RBM20: variants seen among roughly 807,000 people sequenced by gnomAD.
The protein encoded by RBM20 is RNA binding motif protein 20.
Under a neutral mutation model 110.1 loss-of-function variants are expected in RBM20, and 51 were observed. The observed-to-expected ratio is 0.46, with a 90% confidence interval of 0.37 to 0.59. The LOEUF (loss-of-function observed/expected upper bound fraction) is 0.59, where lower values mean the gene tolerates loss of function less well. Ranked by LOEUF, RBM20 falls within the 20% of genes least tolerant of loss-of-function variation. RBM20 has a pLI of 0.00. For missense variants in RBM20, 1,512 were observed against 1,574.9 expected, an observed-to-expected ratio of 0.96 and a Z score of 0.68; for synonymous variants, 589 against 618.2, an observed-to-expected ratio of 0.95 and a Z score of 0.70.
chr10:110,752,076 G>A (rs1843861082), intron 1 of RBM20, among the ~76,000 whole-genome samples: 2 of 152,012 alleles, frequency 1.3e-5, no homozygotes, highest in South Asian at 4.2e-4. Flanking sequence ...TTTACACTGG[G>A]GTTCACTCTT....
Position 110,644,625 on chromosome 10 carries a change from C to A in RBM20, c.171C>A (p.Gly57=). The change falls in exon 1 of 14, where the codon GGC becomes GGA. Residue 57 remains glycine, a synonymous_variant. Coordinates refer to ENST00000369519, the MANE Select transcript of RBM20 (RefSeq NM_001134363.3). This position sits in a 1 kb window ranked among gnomAD's most constrained non-coding sequence, Gnocchi z 4.3. Reference sequence around the variant, plus strand: ...AGCCACCGCCCCCGCCCCAAGCCGGCCTACCCCAGATCATCCAAAAGTAAG... The same window carrying A: ...AGCCACCGCCCCCGCCCCAAGCCGGACTACCCCAGATCATCCAAAAGTAAG... ...PPQPPPPPQA[G]LPQIIQNAAK... is the part of the protein sequence containing the mutation. 6.6e-7 allele frequency: 1 copy of A among 1,512,450 alleles called. No homozygotes were observed. Among genetic ancestry groups the A allele is most frequent in the Non-Finnish European group, 8.8e-7 (1 of 1,134,234 alleles). 93.7% of individuals were successfully genotyped at this position (1,512,450 alleles called of 1,614,324 possible). A position where few individuals can be genotyped will look rare whatever the true frequency, so the allele number is the denominator to read the frequency against.
chr10:110,743,402 G>T (rs985341663), intron 1 of RBM20, among the ~76,000 whole-genome samples: 2 of 152,122 alleles, frequency 1.3e-5, no homozygotes, highest in Non-Finnish European at 2.9e-5. Flanking sequence ...CAAGTTTAAC[G>T]TGATATATCT....
chr10:110,817,651 G>C (rs1351836024), intron 9 of RBM20, among the ~76,000 whole-genome samples: 1 of 152,230 alleles, frequency 6.6e-6, no homozygotes, highest in Non-Finnish European at 1.5e-5. Context: ...TGAGTATTAA[G>C]TGCTAAGAAG....
At chr10:110,731,194 G>A (rs568480046) in intron 1 of RBM20, among the ~76,000 whole-genome samples, 39 of 152,140 alleles carry the variant, frequency 2.6e-4, no homozygotes, top group African/African-American at 9.2e-4. Context: ...TATCCACGTT[G>A]GGAAATCACC....
At chr10:110,746,609 G>A (rs747732857) in intron 1 of RBM20, among the ~76,000 whole-genome samples, 7 of 152,218 alleles carry the variant, frequency 4.6e-5, no homozygotes, top group Non-Finnish European at 1.0e-4. Context: ...ACCTGGAGAT[G>A]CCCTTCAAGC....
At chr10:110,788,576 C>T (rs991135079) in intron 5 of RBM20, among the ~76,000 whole-genome samples, 3 of 152,226 alleles carry the variant, frequency 2.0e-5, no homozygotes, top group Non-Finnish European at 2.9e-5. Context: ...TTCTGTCAGA[C>T]GCTGGTCCCC....
In RBM20 at chr10:110,831,676, A is replaced by AAC. The variant is rs1554844389; in HGVS notation, c.3573+495_3573+496insCA. Among the ~76,000 whole-genome samples, 217 of 139,324 alleles carry AAC rather than the reference A, an allele frequency of 1.6e-3. 4 individuals carry two copies. The South Asian group carries it at 0.031, about 20-fold the overall frequency. 91.4% of individuals were successfully genotyped at this position (139,324 alleles called of 152,430 possible). ...CCCTGCTTGCTAGAATAAAAAAAAA[A>AAC]AAAAAAAAAAAAAAACACTGCTTTG... On this transcript the variant is annotated intron_variant, in intron 13 of 13. Transcript: ENST00000369519.
chr10:110,681,280 C>G (rs1862420390), intron 1 of RBM20, among the ~76,000 whole-genome samples: 1 of 152,216 alleles, frequency 6.6e-6, no homozygotes. Context: ...CTCCTCCTGC[C>G]AACACTTCCA....
intron 1 of RBM20, among the ~76,000 whole-genome samples, chr10:110,651,861 G>A (rs1281730328): frequency 6.6e-6 from 1 of 152,172 alleles, no homozygotes; most frequent in Non-Finnish European, 1.5e-5. Context: ...GGCGCTGTGG[G>A]GCCAGTGCTG....
intron 1 of RBM20, among the ~76,000 whole-genome samples, chr10:110,714,876 G>T (rs1395491125): frequency 6.6e-6 from 1 of 152,144 alleles, no homozygotes; most frequent in Non-Finnish European, 1.5e-5. Context: ...CTTGTTGGAG[G>T]GGTGGCCCAG....
intron 1 of RBM20, among the ~76,000 whole-genome samples, chr10:110,706,811 G>C (rs1862846080): frequency 1.3e-5 from 2 of 152,118 alleles, no homozygotes; most frequent in African/African-American, 4.8e-5. Flanking sequence ...TCTCTGTCTT[G>C]GTCTTGCCTC....
chr10:110,724,340 T>G (rs1843539659), intron 1 of RBM20, among the ~76,000 whole-genome samples: 1 of 152,210 alleles, frequency 6.6e-6, no homozygotes, highest in Non-Finnish European at 1.5e-5. Context: ...CTGCTCAGGT[T>G]GAAATTGCTC....
At chr10:110,783,268 G>A (rs927858390) in intron 2 of RBM20, 98 bp from the exon 3 acceptor site, 35 of 877,410 alleles carry the variant, frequency 4.0e-5, no homozygotes, top group Non-Finnish European at 5.4e-5. Context: ...GCCTCTGGGC[G>A]CTCTGTGCTC....
At chr10:110,766,861 G>GC (rs1184491164) in intron 1 of RBM20, among the ~76,000 whole-genome samples, 6 of 148,944 alleles carry the variant, frequency 4.0e-5, no homozygotes, top group African/African-American at 9.8e-5. Flanking sequence ...AGACGGGGTG[G>GC]TGGCCGGGCA....
chr10:110,765,249 G>A (rs908399285), intron 1 of RBM20, among the ~76,000 whole-genome samples: 2 of 152,086 alleles, frequency 1.3e-5, no homozygotes, highest in African/African-American at 4.8e-5. Context: ...TCTCTTAAGG[G>A]TGAGGTGCTT....
intron 12 of RBM20, among the ~76,000 whole-genome samples, chr10:110,828,473 A>G (rs1179491811): frequency 1.3e-5 from 2 of 152,210 alleles, no homozygotes; most frequent in Admixed American, 1.3e-4. Flanking sequence ...GGGCCAGGGA[A>G]GAAAGTTGCC....
At chr10:110,709,475 C>T (rs1862889943) in intron 1 of RBM20, among the ~76,000 whole-genome samples, 1 of 151,998 alleles carries the variant, frequency 6.6e-6, no homozygotes, top group Non-Finnish European at 1.5e-5. Flanking sequence ...GAGGGACCAT[C>T]TCTTACTTTT....
chr10:110,685,698 T>C (rs924220732), intron 1 of RBM20, among the ~76,000 whole-genome samples: 2 of 150,200 alleles, frequency 1.3e-5, no homozygotes, highest in Non-Finnish European at 3.0e-5. Flanking sequence ...AGGGAATGGC[T>C]GGAAGGAACA....
At chr10:110,692,724 G>A (rs1564817147) in intron 1 of RBM20, among the ~76,000 whole-genome samples, 1 of 152,098 alleles carries the variant, frequency 6.6e-6, no homozygotes, top group Non-Finnish European at 1.5e-5. Context: ...CAATTTGAAT[G>A]CTTTTCATTT....
Sources: gnomAD v4.1 joint callset for allele counts (sites outside exome capture counted in the v4.1 genomes callset) on GRCh38, gnomAD v4.1.1 for gene constraint, Gnocchi (gnomAD v3.1) non-coding constraint, MANE v1.5 for transcripts, NCBI Gene and HGNC (gene_info 2026-07-23, HGNC 2026-07-21) for gene names.